IQSEC1: variants seen among roughly 807,000 people sequenced by gnomAD.
IQSEC1 encodes the protein IQ motif and Sec7 domain ArfGEF 1.
Under a neutral mutation model 91.0 loss-of-function variants are expected in IQSEC1, and 31 were observed. That is an observed-to-expected ratio of 0.34 (90% CI 0.26 to 0.46). The LOEUF is 0.46. Among genes scored for constraint, IQSEC1 ranks in the 20% least tolerant of loss-of-function variants. The pLI, the probability that IQSEC1 is intolerant of heterozygous loss-of-function variation, is 1.00. For synonymous variants in IQSEC1, 699 were observed against 662.6 expected (o/e 1.05, Z -0.84); for missense variants, 1,388 against 1,575.6 (o/e 0.88, Z 2.02).
At chr3:13,183,174 TAAACAAACAAAC>T (rs60302548) in intron 1 of IQSEC1, among the ~76,000 whole-genome samples, 47 of 143,698 alleles carry the variant, frequency 3.3e-4, no homozygotes, top group South Asian at 4.4e-4. Context: ...CACCAATAAA[TAAACAAACAAAC>T]AAACAAACAA....
At chr3:13,232,887 G>A (rs1038363019) in intron 1 of IQSEC1, among the ~76,000 whole-genome samples, 3 of 152,116 alleles carry the variant, frequency 2.0e-5, no homozygotes, top group African/African-American at 2.4e-5. Flanking sequence ...AAATAAGCCC[G>A]TCACGAAACG....
chr3:13,029,023 G>T (rs996882592), intron 1 of IQSEC1, among the ~76,000 whole-genome samples: 8 of 152,204 alleles, frequency 5.3e-5, no homozygotes, highest in Admixed American at 4.6e-4. Flanking sequence ...ATCTCCAGGG[G>T]TTGTGAAGAT....
intron 2 of IQSEC1, among the ~76,000 whole-genome samples, chr3:13,130,341 C>CAAAAAAAAAA (rs58162524): frequency 4.8e-5 from 3 of 61,880 alleles, no homozygotes; most frequent in African/African-American, 8.4e-5. Context: ...GAGACTCTGT[C>CAAAAAAAAAA]AAAAAAAAAA....
chr3:13,150,013 G>T (rs1706968063), intron 2 of IQSEC1, among the ~76,000 whole-genome samples: 1 of 152,206 alleles, frequency 6.6e-6, no homozygotes, highest in African/African-American at 2.4e-5. Context: ...TGGTTCTAGA[G>T]GGAGAGTGGG....
At chr3:13,095,840 G>T (rs1312228751) in intron 2 of IQSEC1, among the ~76,000 whole-genome samples, 2 of 152,254 alleles carry the variant, frequency 1.3e-5, no homozygotes, top group African/African-American at 4.8e-5. Context: ...TGAGCCAGCT[G>T]CAGAGGAGAG....
At chr3:12,951,959 C>G (rs543698597) in intron 1 of IQSEC1, among the ~76,000 whole-genome samples, 55 of 152,262 alleles carry the variant, frequency 3.6e-4, no homozygotes, top group African/African-American at 1.3e-3. Context: ...ATGGAGCCCT[C>G]ACATGGAAAG....
intron 1 of IQSEC1, among the ~76,000 whole-genome samples, chr3:12,984,805 A>C (rs1408011032): frequency 6.6e-6 from 1 of 151,652 alleles, no homozygotes; most frequent in African/African-American, 2.4e-5. Context: ...AACACTTTTA[A>C]AGCAATTACA....
At chr3:13,262,897 G>A (rs1371430742) in intron 1 of IQSEC1, among the ~76,000 whole-genome samples, 1 of 152,158 alleles carries the variant, frequency 6.6e-6, no homozygotes, top group African/African-American at 2.4e-5. Context: ...GGGGAGGGGA[G>A]GGGGAGTGAA....
chr3:12,940,496 G>A lies in IQSEC1; in HGVS notation c.318+1075C>T, dbSNP rs929274370. On this transcript the variant is annotated intron_variant, in intron 2 of 13. Transcript: ENST00000613206. The surrounding 1 kb of genome is among the most constrained non-coding windows in gnomAD (Gnocchi z 4.4). Reference sequence around the variant, plus strand: ...GCGGGCGGGGCCACAGGATGGGTGTGGGTGGGAGTGAAGGCCAGGGGCTTC... The same window carrying A: ...GCGGGCGGGGCCACAGGATGGGTGTAGGTGGGAGTGAAGGCCAGGGGCTTC... Among the ~76,000 whole-genome samples, 11 of 152,008 alleles carry A rather than the reference G, an allele frequency of 7.2e-5. No individual in the cohort carries two copies. The highest frequency in any genetic ancestry group is 1.3e-4 in the Non-Finnish European group (9 of 67,978).
chr3:13,087,482 C>T (rs1248159569), intron 2 of IQSEC1, among the ~76,000 whole-genome samples: 1 of 152,196 alleles, frequency 6.6e-6, no homozygotes, highest in Non-Finnish European at 1.5e-5. Context: ...GTTGGTAAAC[C>T]TGGCTGGCAG....
intron 1 of IQSEC1, among the ~76,000 whole-genome samples, chr3:13,181,240 C>G (rs145038902): frequency 6.6e-6 from 1 of 152,214 alleles, no homozygotes; most frequent in South Asian, 2.1e-4. Context: ...CACTGCACTC[C>G]AGACTGGGCG....
chr3:13,006,293 C>T (rs1702632974), intron 1 of IQSEC1, among the ~76,000 whole-genome samples: 1 of 152,214 alleles, frequency 6.6e-6, no homozygotes, highest in Non-Finnish European at 1.5e-5. Context: ...CTGGTTCATT[C>T]TAGAAGTGCA....
chr3:13,258,932 C>T (rs1047347349), intron 1 of IQSEC1, among the ~76,000 whole-genome samples: 7 of 152,156 alleles, frequency 4.6e-5, no homozygotes, highest in African/African-American at 1.4e-4. Flanking sequence ...TGCCTCACAA[C>T]GGCCCCCAAG....
chr3:13,121,798 G>C (rs1706428450), intron 2 of IQSEC1, among the ~76,000 whole-genome samples: 1 of 152,220 alleles, frequency 6.6e-6, no homozygotes, highest in South Asian at 2.1e-4. Context: ...CCCCAGGATG[G>C]GGCAGTGGGC....
chr3:13,220,002 A>G (rs1483208806), intron 1 of IQSEC1, among the ~76,000 whole-genome samples: 1 of 152,250 alleles, frequency 6.6e-6, no homozygotes, highest in South Asian at 2.1e-4. Flanking sequence ...AGTCACCTGC[A>G]GCCCCAGTCC....
At chr3:12,925,980 T>C (rs1697087697) in intron 3 of IQSEC1, among the ~76,000 whole-genome samples, 1 of 152,068 alleles carries the variant, frequency 6.6e-6, no homozygotes, top group South Asian at 2.1e-4. Flanking sequence ...GTAGGTCTCT[T>C]GCTTGGCTGA....
At chr3:13,012,170 T>C (rs1013031860) in intron 1 of IQSEC1, among the ~76,000 whole-genome samples, 2 of 152,194 alleles carry the variant, frequency 1.3e-5, no homozygotes, top group African/African-American at 4.8e-5. Context: ...CTTACTTGCC[T>C]GCACCCCCGG....
At position 12,906,646 on chromosome 3, in the gene IQSEC1, A is replaced by G. The variant is rs561567021; in HGVS notation, c.2755+1703T>C. On this transcript the variant is annotated intron_variant, in intron 12 of 13. Transcript: ENST00000613206. ...ACAACAGCAATCGTCACACTACATG[A>G]AAGCAGCTGGCCGTGGGCCCACCCC... Among the ~76,000 whole-genome samples, 27 of 152,286 alleles carry G rather than the reference A, an allele frequency of 1.8e-4. No homozygotes were observed. In the East Asian group the frequency reaches 5.2e-3, roughly 29 times the overall value.
intron 2 of IQSEC1, among the ~76,000 whole-genome samples, chr3:13,156,548 C>T (rs1271964162): frequency 6.6e-6 from 1 of 152,218 alleles, no homozygotes; most frequent in Admixed American, 6.5e-5. Flanking sequence ...TTAGCTCTGG[C>T]CTCCTTCCAG....
Sources: allele counts gnomAD v4.1 joint callset (sites outside exome capture counted in the v4.1 genomes callset), GRCh38; gene constraint gnomAD v4.1.1; non-coding constraint Gnocchi (gnomAD v3.1); transcripts MANE v1.5; gene names NCBI Gene and HGNC (gene_info 2026-07-23, HGNC 2026-07-21).